Variants in SBNO1 observed in about 807,000 individuals in gnomAD.
The protein encoded by SBNO1 is strawberry notch homolog 1.
A neutral mutation model predicts 173.6 loss-of-function variants in SBNO1; 23 were observed. The observed-to-expected ratio is 0.13, with a 90% CI of 0.10 to 0.19. The LOEUF (loss-of-function observed/expected upper bound fraction) is 0.19. Among genes scored for constraint, SBNO1 ranks in the 10% least tolerant of loss-of-function variants. The probability of loss-of-function intolerance (pLI) is 1.00; values close to 1 mark genes in which losing one functional copy is unlikely to be tolerated. For missense variants in SBNO1, 1,238 were observed against 1,671.2 expected (o/e 0.74, Z 4.52); for synonymous variants, 632 against 571.5 (o/e 1.11, Z -1.51).
chr12:123,298,356 T>G (rs1398277451), intron 30 of SBNO1, among the ~76,000 whole-genome samples, 185 bp from the exon 31 acceptor site: 2 of 152,182 alleles, frequency 1.3e-5, no homozygotes, highest in Non-Finnish European at 2.9e-5. Flanking sequence ...AACCTCTGCC[T>G]CCCAGGGTCA....
At chr12:123,330,861 G>C (rs1317243823) in intron 8 of SBNO1, among the ~76,000 whole-genome samples, 1 of 152,148 alleles carries the variant, frequency 6.6e-6, no homozygotes, top group African/African-American at 2.4e-5. Context: ...TGAGGTAGAG[G>C]CTGCAGTGAG....
chr12:123,347,479 G>A (rs1873332907), intron 3 of SBNO1, among the ~76,000 whole-genome samples: 1 of 151,574 alleles, frequency 6.6e-6, no homozygotes, highest in South Asian at 2.1e-4. Context: ...ACCCTCCCTG[G>A]CCTCCAAAAG....
At chr12:123,324,325 T>C (rs1870349947) in intron 15 of SBNO1, among the ~76,000 whole-genome samples, 1 of 568 alleles carries the variant, frequency 1.8e-3, no homozygotes, top group East Asian at 3.3e-3. Context: ...TGCTTTTTTC[T>C]TTTTTTTTTT....
chr12:123,334,644 G>T (rs1871618582), intron 6 of SBNO1, among the ~76,000 whole-genome samples: 1 of 152,148 alleles, frequency 6.6e-6, no homozygotes, highest in Non-Finnish European at 1.5e-5. Flanking sequence ...GGAGACGGAG[G>T]TTGCAGGGAG....
intron 1 of SBNO1, among the ~76,000 whole-genome samples, chr12:123,357,279 C>T (rs1693896199): frequency 6.6e-6 from 1 of 151,894 alleles, no homozygotes; most frequent in Non-Finnish European, 1.5e-5. Context: ...TAGTGAAACA[C>T]CATCTCTACT....
chr12:123,338,290 C>G (rs569571428), intron 5 of SBNO1, among the ~76,000 whole-genome samples: 1 of 125,106 alleles, frequency 8.0e-6, no homozygotes, highest in East Asian at 2.2e-4. Flanking sequence ...TGGTGGCTCA[C>G]GCCTGTAATC....
intron 24 of SBNO1, among the ~76,000 whole-genome samples, chr12:123,311,720 C>CTATCTATCTATATATATA (rs1224940028): frequency 7.8e-6 from 1 of 127,430 alleles, no homozygotes; most frequent in African/African-American, 3.2e-5. Context: ...ATCTATCTAT[C>CTATCTATCTATATATATA]TATATATATA....
chr12:123,340,364 T>C (rs1208603848), intron 5 of SBNO1, among the ~76,000 whole-genome samples: 2 of 152,034 alleles, frequency 1.3e-5, no homozygotes, highest in African/African-American at 4.8e-5. Flanking sequence ...GCAGATTACC[T>C]GAGGTCAGGA....
At chr12:123,361,478 G>T (rs1875162415) in intron 1 of SBNO1, among the ~76,000 whole-genome samples, 1 of 151,542 alleles carries the variant, frequency 6.6e-6, no homozygotes, top group African/African-American at 2.4e-5. Flanking sequence ...AACCCGGGAG[G>T]GGGAGGTTGC....
intron 1 of SBNO1, 43 bp downstream of exon 1, chr12:123,364,658 A>AG: frequency 1.0e-6 from 1 of 979,478 alleles, no homozygotes; most frequent in Admixed American, 6.3e-5. Context: ...GCTGTCCGGG[A>AG]GGGGGAGTGT....
At chr12:123,334,700 T>G (rs937898787) in intron 6 of SBNO1, among the ~76,000 whole-genome samples, 1 of 151,904 alleles carries the variant, frequency 6.6e-6, no homozygotes, top group Non-Finnish European at 1.5e-5. Flanking sequence ...GCAGTGAGAC[T>G]CTGTCTCAAA....
rs1869839031 is a variant in SBNO1 at position 123,320,617 on chromosome 12, G to C, written c.2492-10C>G. On this transcript the variant is annotated splice_polypyrimidine_tract_variant and intron_variant, in intron 18 of 31. Coordinates refer to ENST00000602398, the MANE Select transcript of SBNO1 (RefSeq NM_001167856.3). ...TTGGTGTTACTGTTAGCTAGATAAAGAACATTTGCTAAAAGTTAGTACAAA... is the reference window on the plus strand; with the variant it reads ...TTGGTGTTACTGTTAGCTAGATAAACAACATTTGCTAAAAGTTAGTACAAA... 1 of 1,603,802 alleles carries C rather than the reference G, an allele frequency of 6.2e-7. No individual in the cohort carries two copies. Among genetic ancestry groups the C allele is most frequent in the Non-Finnish European group, 8.5e-7 (1 of 1,176,768 alleles).
intron 24 of SBNO1, among the ~76,000 whole-genome samples, chr12:123,311,462 C>G (rs1868492721): frequency 6.6e-6 from 1 of 152,092 alleles, no homozygotes; most frequent in Admixed American, 6.6e-5. Flanking sequence ...CAACCTCTGC[C>G]TCACGGGTTC....
At chr12:123,358,187 T>C (rs1028139991) in intron 1 of SBNO1, among the ~76,000 whole-genome samples, 4 of 152,254 alleles carry the variant, frequency 2.6e-5, no homozygotes, top group African/African-American at 9.6e-5. Flanking sequence ...AAGATAGTTT[T>C]ATACAGTACC....
intron 1 of SBNO1, among the ~76,000 whole-genome samples, chr12:123,357,819 A>C (rs1874637524): frequency 6.6e-6 from 1 of 152,232 alleles, no homozygotes; most frequent in Non-Finnish European, 1.5e-5. Context: ...CCTTCATAGG[A>C]CCTTGCTTGG....
intron 5 of SBNO1, among the ~76,000 whole-genome samples, chr12:123,339,003 C>G (rs955029697): frequency 6.8e-6 from 1 of 147,968 alleles, no homozygotes; most frequent in Non-Finnish European, 1.5e-5. Flanking sequence ...CAATAAAAAA[C>G]TTTTGGTATA....
At chr12:123,344,120 T>C (rs897163795) in intron 4 of SBNO1, among the ~76,000 whole-genome samples, 6 of 152,156 alleles carry the variant, frequency 3.9e-5, no homozygotes, top group Non-Finnish European at 7.3e-5. Flanking sequence ...AAGCCACTCA[T>C]ATAAGAAGCA....
At position 123,364,363 on chromosome 12, in the gene SBNO1, G is replaced by A. The variant is rs369344136; in HGVS notation, c.-1+338C>T. 2.3e-5 allele frequency: 23 copies of A among 985,286 alleles called. No individual in the cohort carries two copies. In the East Asian group the frequency reaches 6.9e-4, roughly 29 times the overall value. 61.0% of individuals were successfully genotyped at this position (985,286 alleles called of 1,614,324 possible). On this transcript the variant is annotated intron_variant, in intron 1 of 31. Coordinates refer to ENST00000602398, the MANE Select transcript of SBNO1 (RefSeq NM_001167856.3). ...GGAAGCCAAAGGGGCGAACCCAGCGGAGCCGGCGTGCACAGACCCTGCCCC... is the reference window on the plus strand; with the variant it reads ...GGAAGCCAAAGGGGCGAACCCAGCGAAGCCGGCGTGCACAGACCCTGCCCC...
intron 4 of SBNO1, among the ~76,000 whole-genome samples, chr12:123,342,224 T>C (rs1872650228): frequency 6.6e-6 from 1 of 151,798 alleles, no homozygotes; most frequent in Admixed American, 6.6e-5. Context: ...AACTCCAGCC[T>C]GGGCAACAAG....
Sources: gnomAD v4.1 joint callset for allele counts (sites outside exome capture counted in the v4.1 genomes callset) on GRCh38, gnomAD v4.1.1 for gene constraint, MANE v1.5 for transcripts, NCBI Gene and HGNC (gene_info 2026-07-23, HGNC 2026-07-21) for gene names.